TTC22: variants seen among roughly 807,000 people sequenced by gnomAD.
The protein encoded by TTC22 is tetratricopeptide repeat domain 22.
Under a neutral mutation model 48.2 loss-of-function variants are expected in TTC22, and 42 were observed. The ratio of observed to expected loss-of-function variants is 0.87; its 90% CI spans 0.68 to 1.13. The LOEUF is 1.13. TTC22 is among the 50% of genes most tolerant of loss of function. The probability of loss-of-function intolerance (pLI) is 0.00; values close to 1 mark genes in which losing one functional copy is unlikely to be tolerated. For missense variants in TTC22, 784 were observed against 807.0 expected (o/e 0.97, Z 0.34); for synonymous variants, 345 against 365.5 (o/e 0.94, Z 0.64).
chr1:54,787,772 G>A lies in TTC22; in HGVS notation c.678C>T (p.Ala226=), dbSNP rs1235469891. 1.2e-6 allele frequency: 2 copies of A among 1,613,496 alleles called. No homozygotes were observed. The highest frequency in any genetic ancestry group is 8.5e-7 in the Non-Finnish European group (1 of 1,179,778). The stretch of plus-strand genomic sequence containing the variant: ...GGAGTAGGGCCAGCGTGCGGTTGAA[G>A]GCAGGCAGTCTCTTCTGCTCCTCAC... ...LGSEEQKRLP[A]FNRTLALLRQ... is the part of the protein sequence containing the mutation. Residue 226 remains alanine (A), a synonymous_variant, in exon 3 of 7, where the codon GCC becomes GCT. Coordinates refer to ENST00000371276, the MANE Select transcript of TTC22 (RefSeq NM_001114108.2).
At chr1:54,799,463 A>G in intron 1 of TTC22, among the ~76,000 whole-genome samples, 1 of 152,066 alleles carries the variant, frequency 6.6e-6, no homozygotes, top group East Asian at 1.9e-4. Context: ...AGATGAAGAA[A>G]CCACAGCCCA....
At chr1:54,785,174 T>G in intron 5 of TTC22, 1 of 196,174 alleles carries the variant, frequency 5.1e-6, no homozygotes, top group South Asian at 7.5e-5. Flanking sequence ...ACCAAGGCTG[T>G]CTGTGTTCAG....
intron 3 of TTC22, 116 bp downstream of exon 3, chr1:54,787,595 G>A (rs149642615): frequency 1.4e-5 from 11 of 766,278 alleles, no homozygotes; most frequent in South Asian, 4.7e-5. Context: ...GGGACAGAGC[G>A]AAGGAGGAAG....
chr1:54,790,761 GGCT>G (rs3065099), intron 1 of TTC22, among the ~76,000 whole-genome samples: 35,953 of 151,526 alleles, frequency 0.24, 4,392 homozygotes, highest in East Asian at 0.44. Flanking sequence ...CAGGCTTCCT[GGCT>G]GCTGCTGCTG....
chr1:54,800,910 G>A lies in TTC22; in HGVS notation c.254C>T (p.Ala85Val), dbSNP rs1418696950. Residue 85 changes from alanine to valine, a missense_variant, in exon 1 of 7, where the codon GCC (alanine) becomes GTC (valine). Transcript: ENST00000371276. ...FAFYLEELDE[A>V]RECFLEVAHE... ...GGCCACCTCGAGGAAGCACTCGCGG[G>A]CCTCGTCCAGCTCCTCCAGGTAGAA... is the stretch of plus-strand genomic sequence containing the variant. 6.2e-7 allele frequency: 1 copy of A among 1,609,742 alleles called. No individual in the cohort carries two copies. Among genetic ancestry groups the A allele is most frequent in the South Asian group, 1.1e-5 (1 of 90,856 alleles).
chr1:54,786,278 C>G, intron 4 of TTC22, 134 bp from the exon 5 acceptor site: 1 of 738,990 alleles, frequency 1.4e-6, no homozygotes, highest in South Asian at 1.8e-5. Context: ...CCATATCCAC[C>G]CTTATCCACC....
chr1:54,796,447 G>A (rs573281597), intron 1 of TTC22, among the ~76,000 whole-genome samples: 8 of 152,064 alleles, frequency 5.3e-5, no homozygotes, highest in African/African-American at 1.7e-4. Flanking sequence ...TGTTATGCCC[G>A]GGGTGCAAGG....
At position 54,781,442 on chromosome 1, in the gene TTC22, G is replaced by A. The variant is rs1438411421; in HGVS notation, c.1511C>T (p.Ala504Val). ...GCGCGCCGCGGGGTACTTGTCCTGG[G>A]CGCGGCGCAGCCAGGCGTCCACCTC... ...GREVDAWLRR[A>V]QDKYPAARLR... Residue 504 changes from alanine (A) to valine (V), a missense_variant, in exon 7 of 7, where the codon GCC becomes GTC. Ala to Val is a moderately conservative substitution (Grantham distance 64). Transcript: ENST00000371276. 1.4e-6 allele frequency: 2 copies of A among 1,443,898 alleles called. No homozygotes were observed. The highest frequency in any genetic ancestry group is 2.8e-5 in the Admixed American group (1 of 35,346). The allele number at this position is 1,443,898 out of a possible 1,614,324, so 89.4% of individuals were successfully genotyped here.
Position 54,788,045 on chromosome 1 carries a change from A to T in TTC22, c.620T>A (p.Ile207Asn), listed in dbSNP as rs143568903. The stretch of plus-strand genomic sequence containing the variant: ...CCCCACCACCCTCTTGCCTGACCTG[A>T]TGTAGAGTGTTGCCATGGTGAAATA... ...GWYFTMATLY[I>N]RLDGIFLELG... Residue 207 changes from isoleucine to asparagine, a missense_variant, in exon 2 of 7, where the codon ATC becomes AAC. Ile to Asn is a moderately radical substitution (Grantham distance 149, BLOSUM62 -3). Transcript: ENST00000371276. 8.7e-6 allele frequency: 14 copies of T among 1,613,690 alleles called. No homozygotes were observed. The African/African-American group carries it at 1.6e-4, about 18-fold the overall frequency.
intron 1 of TTC22, among the ~76,000 whole-genome samples, chr1:54,789,642 G>A (rs1231462492): frequency 6.6e-6 from 1 of 152,228 alleles, no homozygotes; most frequent in Non-Finnish European, 1.5e-5. Context: ...TATCTTCTCT[G>A]TGTGGCTCTC....
rs571969046 is a variant in TTC22, at chr1:54,788,576, G to A, written c.568-479C>T. 9.2e-5 allele frequency among the ~76,000 whole-genome samples: 14 copies of A among 152,294 alleles called. No individual in the cohort carries two copies. In the South Asian group the frequency reaches 2.7e-3, roughly 29 times the overall value. On this transcript the variant is annotated intron_variant, in intron 1 of 6. Transcript: ENST00000371276. ...ATTATTCCTGCCAACCTTGCTGTGCGACTTGGGCACCAGATAAAATATTTA... is the reference window on the plus strand; with the variant it reads ...ATTATTCCTGCCAACCTTGCTGTGCAACTTGGGCACCAGATAAAATATTTA...
Position 54,787,747 on chromosome 1 carries a change from G to A in TTC22, c.703C>T (p.Arg235Trp), listed in dbSNP as rs144865731. ...PAFNRTLALL[R>W]QVLKSEDPRH... ...GGGTCCTCGGACTTCAGCACTTGCC[G>A]GAGTAGGGCCAGCGTGCGGTTGAAG... The change falls in exon 3 of 7, where the codon CGG becomes TGG. Residue 235 changes from arginine (R) to tryptophan (W), a missense_variant. Arg to Trp is a moderately radical substitution (Grantham distance 101, BLOSUM62 -3). Transcript: ENST00000371276. The A allele has an allele frequency of 1.0e-4, 165 of 1,613,444 alleles. No homozygotes were observed. Among genetic ancestry groups the A allele is most frequent in the Admixed American group, 5.5e-4 (33 of 59,950 alleles).
At chr1:54,791,579 G>T (rs1196594800) in intron 1 of TTC22, among the ~76,000 whole-genome samples, 5 of 152,050 alleles carry the variant, frequency 3.3e-5, no homozygotes, top group African/African-American at 1.2e-4. Flanking sequence ...GTGTTTCAGT[G>T]CCCGATGAGG....
chr1:54,800,449 G>A (rs921493277), intron 1 of TTC22, 148 bp downstream of exon 1: 4 of 689,222 alleles, frequency 5.8e-6, no homozygotes, highest in Admixed American at 4.0e-5. Context: ...TGGGGCAGGC[G>A]GGGGATGCAC....
rs1384603706 is a variant in TTC22 at position 54,786,989 on chromosome 1, A to G, written c.826T>C (p.Ser276Pro). The change falls in exon 4 of 7, where the codon TCA (serine) becomes CCA (proline). Residue 276 changes from serine to proline, a missense_variant. Coordinates refer to ENST00000371276, the MANE Select transcript of TTC22 (RefSeq NM_001114108.2). Reference protein sequence around the residue: ...TPMGVHDCGYSGTDPLDCFGK... With the variant: ...TPMGVHDCGYPGTDPLDCFGK... ...AAGCAGTCTAGAGGGTCGGTCCCTGAGTACCCGCAGTCATGGACGCCCATG... is the reference window on the plus strand; with the variant it reads ...AAGCAGTCTAGAGGGTCGGTCCCTGGGTACCCGCAGTCATGGACGCCCATG... 2.6e-6 allele frequency: 4 copies of G among 1,560,800 alleles called. No homozygotes were observed. Among genetic ancestry groups the G allele is most frequent in the Admixed American group, 1.9e-5 (1 of 52,576 alleles).
chr1:54,797,633 GA>G (rs544515539), intron 1 of TTC22, among the ~76,000 whole-genome samples: 20 of 151,784 alleles, frequency 1.3e-4, no homozygotes, highest in Non-Finnish European at 2.8e-4. Context: ...CAGTCTCAAA[GA>G]AAGAAAGAAA....
chr1:54,784,868 T>C, intron 5 of TTC22: 1 of 1,231,624 alleles, frequency 8.1e-7, no homozygotes, highest in South Asian at 1.3e-5. Flanking sequence ...CTGGGACCAG[T>C]GCGGGAAGCT....
chr1:54,785,862 TA>T, intron 5 of TTC22, 120 bp downstream of exon 5: 1 of 936,626 alleles, frequency 1.1e-6, no homozygotes, highest in Non-Finnish European at 1.6e-6. Context: ...TGATGGCTCC[TA>T]AGCTCCCTTC....
chr1:54,795,313 G>T (rs566090088), intron 1 of TTC22, among the ~76,000 whole-genome samples: 1 of 152,338 alleles, frequency 6.6e-6, no homozygotes, highest in East Asian at 1.9e-4. Flanking sequence ...TGGGTGTTAG[G>T]CCATGGAAAC....
Sources: gnomAD v4.1 joint callset for allele counts (sites outside exome capture counted in the v4.1 genomes callset) on GRCh38, gnomAD v4.1.1 for gene constraint, MANE v1.5 for transcripts, NCBI Gene and HGNC (gene_info 2026-07-23, HGNC 2026-07-21) for gene names.